Variants in GABRB3 observed in about 807,000 individuals in gnomAD.
GABRB3 encodes the protein gamma-aminobutyric acid receptor subunit beta-3.
In GABRB3, 14 loss-of-function variants were observed where a neutral mutation model predicts 52.1. The ratio of observed to expected loss-of-function variants is 0.27; its 90% CI spans 0.18 to 0.42. GABRB3 has a LOEUF of 0.42. GABRB3 is among the 10% of genes least tolerant of loss of function. The pLI, the probability that GABRB3 is intolerant of heterozygous loss-of-function variation, is 1.00. For missense variants in GABRB3, 307 were observed against 609.1 expected (o/e 0.50, Z 5.22); for synonymous variants, 260 against 232.3 (o/e 1.12, Z -1.08).
At chr15:26,725,034 C>T (rs1176498121) in intron 3 of GABRB3, among the ~76,000 whole-genome samples, 3 of 152,178 alleles carry the variant, frequency 2.0e-5, no homozygotes, top group African/African-American at 7.2e-5. Context: ...TTGTCAAAGG[C>T]AATTGGTATA....
intron 3 of GABRB3, among the ~76,000 whole-genome samples, chr15:26,747,952 CTTT>C (rs57157481): frequency 2.2e-4 from 19 of 87,434 alleles, no homozygotes; most frequent in African/African-American, 3.9e-4. Flanking sequence ...TTTTCAAATG[CTTT>C]TTTTTTTTTT....
At chr15:26,606,769 T>TATTG (rs748128118) in intron 4 of GABRB3, among the ~76,000 whole-genome samples, 18 of 107,264 alleles carry the variant, frequency 1.7e-4, no homozygotes, top group East Asian at 8.9e-4. Context: ...TCTGTCTATC[T>TATTG]ATAGATAGAT....
intron 3 of GABRB3, among the ~76,000 whole-genome samples, chr15:26,723,110 G>A (rs1566819458): frequency 6.6e-6 from 1 of 152,140 alleles, no homozygotes; most frequent in African/African-American, 2.4e-5. Context: ...ATTAATAAAG[G>A]GGTAAGGGTA....
chr15:26,670,783 C>T (rs1887875388), intron 3 of GABRB3, among the ~76,000 whole-genome samples: 2 of 152,242 alleles, frequency 1.3e-5, no homozygotes, highest in Admixed American at 6.5e-5. Context: ...TTAAAACTCG[C>T]TTTTCCTATG....
At chr15:26,762,239 T>C (rs994406444) in intron 3 of GABRB3, among the ~76,000 whole-genome samples, 2 of 151,026 alleles carry the variant, frequency 1.3e-5, no homozygotes, top group Non-Finnish European at 2.9e-5. Context: ...AAAAAATATC[T>C]TATTTTTTAA....
At position 26,543,822 on chromosome 15, in the gene GABRB3, G is replaced by A. The variant is rs1463110569; in HGVS notation, c.*3971C>T. 6.6e-6 allele frequency: 1 copy of A among 152,504 alleles called. No individual in the cohort carries two copies. The highest frequency in any genetic ancestry group is 1.5e-5 in the Non-Finnish European group (1 of 68,020). 9.4% of individuals were successfully genotyped at this position (152,504 alleles called of 1,614,324 possible). A position where few individuals can be genotyped will look rare whatever the true frequency, so the allele number is the denominator to read the frequency against. On this transcript the variant is annotated 3_prime_UTR_variant, in exon 9 of 9. Coordinates refer to ENST00000311550, the MANE Select transcript of GABRB3 (RefSeq NM_000814.6). Reference sequence around the variant, plus strand: ...TGTGAAGTAGAAACATGAGACAAACGTGACAAAACATGTTCATGGGGTTGG... The same window carrying A: ...TGTGAAGTAGAAACATGAGACAAACATGACAAAACATGTTCATGGGGTTGG...
chr15:26,773,043 C>CGCT lies in GABRB3; in HGVS notation c.-82_-81insAGC, dbSNP rs1891201423. Reference sequence around the variant, plus strand: ...CAGCCGGGGCTGCTCCTGCTGCTGCCGCCGCCGCCGCCGCCGCCGCGCTGG... The same window carrying CGCT: ...CAGCCGGGGCTGCTCCTGCTGCTGCCGCTGCCGCCGCCGCCGCCGCCGCGCTGG... On this transcript the variant is annotated 5_prime_UTR_variant, in exon 1 of 9. Transcript: ENST00000311550. 2.4e-3 allele frequency: 18 copies of CGCT among 7,596 alleles called. No individual in the cohort carries two copies. Among genetic ancestry groups the CGCT allele is most frequent in the Non-Finnish European group, 2.6e-3 (17 of 6,558 alleles). The allele number at this position is 7,596 out of a possible 1,614,324, so 0.5% of individuals were successfully genotyped here.
intron 3 of GABRB3, among the ~76,000 whole-genome samples, chr15:26,750,730 C>G (rs1890481613): frequency 6.6e-6 from 1 of 152,108 alleles, no homozygotes; most frequent in Admixed American, 6.5e-5. Flanking sequence ...AAATGCTCAA[C>G]TCATAAATAG....
At chr15:26,701,910 T>C (rs956802513) in intron 3 of GABRB3, among the ~76,000 whole-genome samples, 1 of 152,210 alleles carries the variant, frequency 6.6e-6, no homozygotes, top group African/African-American at 2.4e-5. Flanking sequence ...CAGAATATAG[T>C]GTCCAGAAAT....
intron 3 of GABRB3, among the ~76,000 whole-genome samples, chr15:26,761,721 C>G (rs573594454): frequency 6.6e-6 from 1 of 152,144 alleles, no homozygotes; most frequent in Non-Finnish European, 1.5e-5. Flanking sequence ...GGCTACCAAC[C>G]ACGGCCACGC....
chr15:26,612,505 C>A (rs1326696370), intron 4 of GABRB3: 3 of 152,134 alleles, frequency 2.0e-5, no homozygotes, highest in African/African-American at 7.2e-5. Context: ...CTTCTAAGAG[C>A]ATCACACTTT....
At chr15:26,733,764 G>A (rs1889992675) in intron 3 of GABRB3, among the ~76,000 whole-genome samples, 2 of 152,248 alleles carry the variant, frequency 1.3e-5, no homozygotes, top group South Asian at 4.1e-4. Context: ...TGGCATTGAT[G>A]TAAACACAGA....
rs1035153988 is a variant in GABRB3 at position 26,561,488 on chromosome 15, T to C, written c.836-312A>G. On this transcript the variant is annotated intron_variant, in intron 7 of 8. Transcript: ENST00000311550. ...AATTTTGAGAGTAGAAGAAGAGATA[T>C]GTAGAGCAGGAAAAAAGAATGTGGT... Among the ~76,000 whole-genome samples, 8 of 134,668 alleles carry C rather than the reference T, an allele frequency of 5.9e-5. No homozygotes were observed. The Admixed American group carries it at 6.3e-4, about 11-fold the overall frequency. The allele number at this position is 134,668 out of a possible 152,430, so 88.3% of individuals were successfully genotyped here.
intron 8 of GABRB3, among the ~76,000 whole-genome samples, chr15:26,549,441 G>A (rs545270822): frequency 6.6e-6 from 1 of 152,250 alleles, no homozygotes; most frequent in East Asian, 1.9e-4. Flanking sequence ...ACTCTCAGAT[G>A]TCTACAGGTT....
At position 26,547,226 on chromosome 15, in the gene GABRB3, C is replaced by T. The variant is rs775602462; in HGVS notation, c.*567G>A. The T allele has an allele frequency of 3.5e-6, 1 of 285,380 alleles. No homozygotes were observed. Among genetic ancestry groups the T allele is most frequent in the Non-Finnish European group, 6.4e-6 (1 of 155,380 alleles). 17.7% of individuals were successfully genotyped at this position (285,380 alleles called of 1,614,324 possible). ...ACGTATGCCCGATGAAAACAAACCC[C>T]ATCACCAGAGAAGCCAAGAAGCCTT... On this transcript the variant is annotated 3_prime_UTR_variant, in exon 9 of 9. Transcript: ENST00000311550.
intron 3 of GABRB3, among the ~76,000 whole-genome samples, chr15:26,727,186 T>C (rs890615856): frequency 3.3e-5 from 5 of 152,066 alleles, no homozygotes; most frequent in Admixed American, 1.3e-4. Flanking sequence ...ACTCACCAGT[T>C]TTAGCATGTA....
At chr15:26,579,443 G>T (rs888267450) in intron 6 of GABRB3, among the ~76,000 whole-genome samples, 2 of 152,214 alleles carry the variant, frequency 1.3e-5, no homozygotes, top group Non-Finnish European at 2.9e-5. Flanking sequence ...ACATGAAGGC[G>T]AAGCTGGTGG....
At chr15:26,626,264 T>A (rs1280765968) in intron 3 of GABRB3, among the ~76,000 whole-genome samples, 1 of 152,182 alleles carries the variant, frequency 6.6e-6, no homozygotes, top group Non-Finnish European at 1.5e-5. Context: ...CTCTGACTGA[T>A]CTACCAACTG....
At chr15:26,679,445 T>C (rs924745311) in intron 3 of GABRB3, among the ~76,000 whole-genome samples, 5 of 152,150 alleles carry the variant, frequency 3.3e-5, no homozygotes, top group Non-Finnish European at 7.3e-5. Flanking sequence ...GTCACACGCA[T>C]TGCTCTATGA....
Sources: gnomAD v4.1 joint callset for allele counts (sites outside exome capture counted in the v4.1 genomes callset) on GRCh38, gnomAD v4.1.1 for gene constraint, MANE v1.5 for transcripts, NCBI Gene and HGNC (gene_info 2026-07-23, HGNC 2026-07-21) for gene names.